The following FLRT2 variants were observed in gnomAD, a reference collection of about 807,000 sequenced individuals.
FLRT2 encodes leucine-rich repeat transmembrane protein FLRT2.
In FLRT2, 15 loss-of-function variants were observed where a neutral mutation model predicts 40.0. The ratio of observed to expected loss-of-function variants is 0.38; its 90% confidence interval spans 0.25 to 0.58. The LOEUF (loss-of-function observed/expected upper bound fraction) is 0.58. Ranked by LOEUF, FLRT2 falls within the 20% of genes least tolerant of loss-of-function variation. The probability of loss-of-function intolerance (pLI) is 0.71; values close to 1 mark genes in which losing one functional copy is unlikely to be tolerated. For synonymous variants in FLRT2, 380 were observed against 336.8 expected (o/e 1.13, Z -1.41); for missense variants, 726 against 840.0 (o/e 0.86, Z 1.68).
In FLRT2 at chr14:85,642,492, G is replaced by T. The variant is rs17647201; in HGVS notation, c.*18995G>T. ...GCCTCCAAGTCTAGAGTTAGAGCTC[G>T]TTCCCAGTGTCTCAGTAGGGCTTAA... is the stretch of plus-strand genomic sequence containing the variant. On this transcript the variant is annotated 3_prime_UTR_variant, in exon 2 of 2. Coordinates refer to ENST00000330753, the MANE Select transcript of FLRT2 (RefSeq NM_013231.6). 6.6e-6 allele frequency: 1 copy of T among 152,070 alleles called. No homozygotes were observed. Among genetic ancestry groups the T allele is most frequent in the South Asian group, 2.1e-4 (1 of 4,826 alleles). 9.4% of individuals were successfully genotyped at this position (152,070 alleles called of 1,614,324 possible).
chr14:85,599,930 G>T (rs932238157), intron 1 of FLRT2, among the ~76,000 whole-genome samples: 5 of 140,986 alleles, frequency 3.5e-5, no homozygotes, highest in African/African-American at 1.2e-4. Flanking sequence ...ATTGTCACAG[G>T]CAGTAGAAAT....
chr14:85,592,823 C>T (rs1030734486), intron 1 of FLRT2, among the ~76,000 whole-genome samples: 12 of 144,722 alleles, frequency 8.3e-5, no homozygotes, highest in Non-Finnish European at 1.5e-4. Flanking sequence ...AAAAGAAAAC[C>T]TGGAACCGCA....
At position 85,651,785 on chromosome 14, in the gene FLRT2, G is replaced by A. The variant is rs770932623; in HGVS notation, c.*28288G>A. ...ACTTTTTCCCTCAATGGATTTGGAA[G>A]ATATATGTTCTATTTTTATTTCTGT... On this transcript the variant is annotated 3_prime_UTR_variant, in exon 2 of 2. Coordinates refer to ENST00000330753, the MANE Select transcript of FLRT2 (RefSeq NM_013231.6). 9 of 152,042 alleles carry A rather than the reference G, an allele frequency of 5.9e-5. No individual in the cohort carries two copies. Among genetic ancestry groups the A allele is most frequent in the African/African-American group, 2.2e-4 (9 of 41,422 alleles). The allele number at this position is 152,042 out of a possible 1,614,324, so 9.4% of individuals were successfully genotyped here.
intron 1 of FLRT2, among the ~76,000 whole-genome samples, chr14:85,549,810 AT>A (rs61018495): frequency 0.25 from 34,108 of 134,478 alleles, 3,477 homozygotes; most frequent in South Asian, 0.3. Flanking sequence ...ACACATAGCT[AT>A]TTTTTTTTTT....
chr14:85,539,606 T>C (rs1359876604), intron 1 of FLRT2, among the ~76,000 whole-genome samples: 2 of 152,200 alleles, frequency 1.3e-5, no homozygotes, highest in Non-Finnish European at 2.9e-5. Flanking sequence ...TTCAGCCTTG[T>C]ATGAATTACT....
In FLRT2 at chr14:85,623,113, G is replaced by C; in HGVS notation, c.1599G>C (p.Thr533=). ...SNTASSHEQT[T]SHSMGSPFLL... ...CAGCGTCCAGCCATGAGCAGACGAC[G>C]TCCCACAGCATGGGCTCCCCCTTTC... Residue 533 remains threonine, a synonymous_variant, in exon 2 of 2, where the codon ACG becomes ACC. Coordinates refer to ENST00000330753, the MANE Select transcript of FLRT2 (RefSeq NM_013231.6). 1.2e-6 allele frequency: 2 copies of C among 1,611,746 alleles called. No individual in the cohort carries two copies. Among genetic ancestry groups the C allele is most frequent in the South Asian group, 2.2e-5 (2 of 90,900 alleles).
chr14:85,595,548 C>T (rs1463557545), intron 1 of FLRT2, among the ~76,000 whole-genome samples: 2 of 151,596 alleles, frequency 1.3e-5, no homozygotes, highest in African/African-American at 4.8e-5. Flanking sequence ...TTGTTTGTTA[C>T]ATATGTGTAT....
chr14:85,537,928 A>C (rs1888766322), intron 1 of FLRT2, among the ~76,000 whole-genome samples: 1 of 151,446 alleles, frequency 6.6e-6, no homozygotes, highest in South Asian at 2.1e-4. Flanking sequence ...GGCTCTTTGA[A>C]GTGATTCAAA....
At chr14:85,555,179 G>A (rs1444285375) in intron 1 of FLRT2, among the ~76,000 whole-genome samples, 2 of 152,098 alleles carry the variant, frequency 1.3e-5, no homozygotes, top group Non-Finnish European at 2.9e-5. Flanking sequence ...TGACTTATGA[G>A]GCCAAAAAGG....
intron 1 of FLRT2, among the ~76,000 whole-genome samples, chr14:85,613,590 G>C (rs1892995745): frequency 1.3e-5 from 2 of 152,148 alleles, no homozygotes; most frequent in South Asian, 4.1e-4. Flanking sequence ...AGTTTTTGCA[G>C]ACTACCTTTT....
chr14:85,549,197 C>T (rs1266711558), intron 1 of FLRT2, among the ~76,000 whole-genome samples: 1 of 152,086 alleles, frequency 6.6e-6, no homozygotes, highest in Non-Finnish European at 1.5e-5. Context: ...GGTACGGGTG[C>T]AAGAGACTGT....
intron 1 of FLRT2, among the ~76,000 whole-genome samples, chr14:85,591,926 G>C (rs1242765951): frequency 6.6e-6 from 1 of 152,064 alleles, no homozygotes; most frequent in East Asian, 1.9e-4. Context: ...GAGGCATTAT[G>C]CTTATATAGA....
chr14:85,584,222 G>A (rs894653675), intron 1 of FLRT2, among the ~76,000 whole-genome samples: 3 of 152,146 alleles, frequency 2.0e-5, no homozygotes, highest in Non-Finnish European at 4.4e-5. Context: ...TGAACAAGTT[G>A]ATTAATATTT....
At chr14:85,620,094 C>G (rs2057311) in intron 1 of FLRT2, among the ~76,000 whole-genome samples, 61,103 of 151,962 alleles carry the variant, frequency 0.4, 12,546 homozygotes, top group Admixed American at 0.45. Context: ...CTTAGTCATT[C>G]TCCTCGGTGA....
At chr14:85,556,308 T>A (rs761285018) in intron 1 of FLRT2, among the ~76,000 whole-genome samples, 51 of 152,224 alleles carry the variant, frequency 3.4e-4, no homozygotes, top group Non-Finnish European at 1.0e-4. Context: ...TAGCTTGCCT[T>A]TAATGGGCTC....
At chr14:85,530,966 T>G (rs1465186034) in intron 1 of FLRT2, among the ~76,000 whole-genome samples, 1 of 152,184 alleles carries the variant, frequency 6.6e-6, no homozygotes, top group East Asian at 1.9e-4. Flanking sequence ...ATTATCAGGC[T>G]GTTGTATCTA....
chr14:85,537,240 G>A (rs1888713485), intron 1 of FLRT2, among the ~76,000 whole-genome samples: 1 of 152,146 alleles, frequency 6.6e-6, no homozygotes, highest in Admixed American at 6.5e-5. Flanking sequence ...TATTTCAAAT[G>A]CTAATTGAAG....
intron 1 of FLRT2, among the ~76,000 whole-genome samples, chr14:85,589,758 C>G (rs548588326): frequency 1.6e-4 from 24 of 152,210 alleles, no homozygotes; most frequent in African/African-American, 5.8e-4. Context: ...AGATTTAAGT[C>G]TTTGATAGAT....
chr14:85,578,693 C>T (rs1225175089), intron 1 of FLRT2, among the ~76,000 whole-genome samples: 3 of 148,910 alleles, frequency 2.0e-5, no homozygotes, highest in Admixed American at 6.7e-5. Flanking sequence ...TGATTTTTTC[C>T]GCATATTTAC....
Sources: gnomAD v4.1 joint callset for allele counts (sites outside exome capture counted in the v4.1 genomes callset) on GRCh38, gnomAD v4.1.1 for gene constraint, MANE v1.5 for transcripts, NCBI Gene and HGNC (gene_info 2026-07-23, HGNC 2026-07-21) for gene names.